Variants in CFAP99 observed in about 807,000 individuals in gnomAD.
The protein encoded by CFAP99 is cilia- and flagella-associated protein 99.
A neutral mutation model predicts 82.7 loss-of-function variants in CFAP99; 84 were observed. The observed-to-expected ratio is 1.02, with a 90% CI of 0.85 to 1.22. CFAP99 has a LOEUF of 1.22. CFAP99 is among the 50% of genes most tolerant of loss of function. The pLI, the probability that CFAP99 is intolerant of heterozygous loss-of-function variation, is 0.00. For synonymous variants in CFAP99, 456 were observed against 429.5 expected, an observed-to-expected ratio of 1.06 and a Z score of -0.76; for missense variants, 1,059 against 983.5, an observed-to-expected ratio of 1.08 and a Z score of -1.03.
chr4:2,421,994 A>G (rs1175981477), intron 1 of CFAP99, among the ~76,000 whole-genome samples: 1 of 152,154 alleles, frequency 6.6e-6, no homozygotes, highest in African/African-American at 2.4e-5. Context: ...GTGAGTTATC[A>G]TCGAGCCACT....
chr4:2,462,553 AGGC>A lies in CFAP99; in HGVS notation c.1776_1778del (p.Ala593del). On this transcript the variant is annotated inframe_deletion, in exon 15 of 15. Transcript: ENST00000635017. This position sits in a 1 kb window ranked among gnomAD's most constrained non-coding sequence, Gnocchi z 4.1. ...GAGAGGGCGGCCGAGCGCAGCAGGC[AGGC>A]GGCCTTGCTGCACGTGTCGGCGCCG... 3.4e-6 allele frequency: 5 copies of A among 1,463,946 alleles called. No homozygotes were observed. The highest frequency in any genetic ancestry group is 4.5e-6 in the Non-Finnish European group (5 of 1,114,564). 90.7% of individuals were successfully genotyped at this position (1,463,946 alleles called of 1,614,324 possible).
In CFAP99 at chr4:2,449,706, CA is replaced by C. The variant is rs1235181017; in HGVS notation, c.680del (p.Gln227ArgfsTer19). ...CACCTACCAGCCACCCAAGGAGCAG[CA>C]GCAGCTGGAGACAGTCAAGAGGTAC... On this transcript the variant is annotated frameshift_variant, in exon 7 of 15. Coordinates refer to ENST00000635017, the Ensembl canonical transcript of CFAP99. LOFTEE classifies it high-confidence loss of function. 1 of 1,536,164 alleles carries C rather than the reference CA, an allele frequency of 6.5e-7. No homozygotes were observed. Among genetic ancestry groups the C allele is most frequent in the Admixed American group, 2.0e-5 (1 of 50,998 alleles).
intron 4 of CFAP99, among the ~76,000 whole-genome samples, chr4:2,441,059 A>T (rs1347449014): frequency 6.7e-6 from 1 of 149,854 alleles, no homozygotes; most frequent in Non-Finnish European, 1.5e-5. Context: ...CCCCTTCCTA[A>T]ATGATAATAA....
chr4:2,461,853 G>A (rs1441137318), intron 14 of CFAP99, among the ~76,000 whole-genome samples: 1 of 152,102 alleles, frequency 6.6e-6, no homozygotes, highest in African/African-American at 2.4e-5. Context: ...GGAGATGCAG[G>A]CCACAGCACC....
intron 4 of CFAP99, among the ~76,000 whole-genome samples, chr4:2,439,875 G>T (rs1011155116): frequency 2.0e-5 from 3 of 151,278 alleles, no homozygotes; most frequent in African/African-American, 7.3e-5. Flanking sequence ...ACGGGGTCTC[G>T]CTCTGTCGCC....
intron 4 of CFAP99, among the ~76,000 whole-genome samples, chr4:2,442,712 G>A (rs945730907): frequency 3.3e-5 from 5 of 152,274 alleles, no homozygotes; most frequent in East Asian, 1.9e-4. Context: ...AGGATGTGCC[G>A]CCAGCTTCTC....
chr4:2,462,264 T>C lies in CFAP99; in HGVS notation c.1662-179T>C, dbSNP rs1734637859. The C allele has an allele frequency of 2.0e-6, 1 of 491,066 alleles. No homozygotes were observed. The highest frequency in any genetic ancestry group is 4.4e-5 in the Admixed American group (1 of 22,666). 30.4% of individuals were successfully genotyped at this position (491,066 alleles called of 1,614,324 possible). Reference sequence around the variant, plus strand: ...CCCAACCCCTCCAGCCCCTGAGCGGTGGTACTGTCTAGGAGCGCGCCGCGG... The same window carrying C: ...CCCAACCCCTCCAGCCCCTGAGCGGCGGTACTGTCTAGGAGCGCGCCGCGG... On this transcript the variant is annotated intron_variant, in intron 14 of 14. Transcript: ENST00000635017. This position sits in a 1 kb window ranked among gnomAD's most constrained non-coding sequence, Gnocchi z 4.1.
At position 2,450,501 on chromosome 4, in the gene CFAP99, G is replaced by C. The variant is rs542111947; in HGVS notation, c.796-446G>C. 27 of 285,238 alleles carry C rather than the reference G, an allele frequency of 9.5e-5. 1 individual carries two copies. Among genetic ancestry groups the C allele is most frequent in the South Asian group, 8.9e-4 (24 of 27,074 alleles). 17.7% of individuals were successfully genotyped at this position (285,238 alleles called of 1,614,324 possible). A position where few individuals can be genotyped will look rare whatever the true frequency, so the allele number is the denominator to read the frequency against. On this transcript the variant is annotated intron_variant, in intron 8 of 14. Transcript: ENST00000635017. ...GGCTGCAATGACCGAGTGCTCAGAG[G>C]GGTGGCCTTTGCAGCCACTCCCCTC...
intron 5 of CFAP99, 130 bp downstream of exon 5, chr4:2,443,372 C>A (rs529926859): frequency 3.7e-5 from 24 of 649,408 alleles, no homozygotes; most frequent in Middle Eastern, 2.5e-4. Context: ...GTAATCACTC[C>A]GTGTTCGGAT....
At chr4:2,460,138 G>A (rs147314650) in exon 14 of CFAP99, 5 of 1,536,126 alleles carry the variant, frequency 3.3e-6, no homozygotes, top group Non-Finnish European at 4.4e-6. Flanking sequence ...AAGAAAAGCG[G>A]GATCAAATCA....
chr4:2,432,158 T>G (rs1733813307), intron 2 of CFAP99, among the ~76,000 whole-genome samples: 1 of 152,194 alleles, frequency 6.6e-6, no homozygotes, highest in African/African-American at 2.4e-5. Context: ...ATCCTTAACA[T>G]GTACTGTTGC....
At position 2,462,191 on chromosome 4, in the gene CFAP99, A is replaced by G. The variant is rs1368402926; in HGVS notation, c.1662-252A>G. On this transcript the variant is annotated intron_variant, in intron 14 of 14. Transcript: ENST00000635017. This position sits in a 1 kb window ranked among gnomAD's most constrained non-coding sequence, Gnocchi z 4.1. ...AACAAACAACAACAACAAAAATTAA[A>G]GAAAAGAAAAAAAGAGCAAAAGGGT... is the stretch of plus-strand genomic sequence containing the variant. 1.9e-5 allele frequency: 7 copies of G among 371,248 alleles called. No individual in the cohort carries two copies. The East Asian group carries it at 2.5e-4, about 13-fold the overall frequency. 23.0% of individuals were successfully genotyped at this position (371,248 alleles called of 1,614,324 possible). A position where few individuals can be genotyped will look rare whatever the true frequency, so the allele number is the denominator to read the frequency against.
At chr4:2,442,845 AGCACACCCT>A (rs1207042839) in intron 4 of CFAP99, among the ~76,000 whole-genome samples, 1 of 151,746 alleles carries the variant, frequency 6.6e-6, no homozygotes, top group Admixed American at 6.6e-5. Flanking sequence ...CAGTCCCAGA[AGCACACCCT>A]GCGCGGTGGC....
At chr4:2,434,045 C>G (rs936488324) in intron 2 of CFAP99, among the ~76,000 whole-genome samples, 3 of 152,170 alleles carry the variant, frequency 2.0e-5, no homozygotes, top group Non-Finnish European at 4.4e-5. Context: ...TGGGGTCCCC[C>G]AGCCGAAGGG....
At chr4:2,449,673 C>A (rs1560386628) in exon 7 of CFAP99, 3 of 1,535,994 alleles carry the variant, frequency 2.0e-6, no homozygotes, top group Admixed American at 3.9e-5. Flanking sequence ...TCAGCAGGTC[C>A]CCCAGAGCAC....
chr4:2,426,583 G>A (rs1733689472), exon 2 of CFAP99: 1 of 1,534,258 alleles, frequency 6.5e-7, no homozygotes, highest in South Asian at 1.2e-5. Flanking sequence ...CCACCTCCCT[G>A]CAGGTAGGAT....
chr4:2,452,233 G>A (rs1734319914), exon 11 of CFAP99: 2 of 1,536,152 alleles, frequency 1.3e-6, no homozygotes, highest in Non-Finnish European at 1.7e-6. Context: ...GGAGCAGCTG[G>A]CTGCAAGCGA....
At position 2,436,137 on chromosome 4, in the gene CFAP99, T is replaced by A. The variant is rs573298018; in HGVS notation, c.112-737T>A. Among the ~76,000 whole-genome samples the A allele has an allele frequency of 2.0e-5, 3 of 151,514 alleles. No individual in the cohort carries two copies. The East Asian group carries it at 5.8e-4, about 29-fold the overall frequency. On this transcript the variant is annotated intron_variant, in intron 2 of 14. Transcript: ENST00000635017. ...TATAGATATATATAGATATATGAAATTTTCACTGCTAATTTAAAAATCCAG... is the reference window on the plus strand; with the variant it reads ...TATAGATATATATAGATATATGAAAATTTCACTGCTAATTTAAAAATCCAG...
intron 11 of CFAP99, among the ~76,000 whole-genome samples, chr4:2,454,998 C>A (rs1734394416): frequency 6.6e-6 from 1 of 152,242 alleles, no homozygotes; most frequent in Non-Finnish European, 1.5e-5. Flanking sequence ...TGGCTCACTG[C>A]AACCTCTGCC....
Sources: allele counts gnomAD v4.1 joint callset (sites outside exome capture counted in the v4.1 genomes callset), GRCh38; gene constraint gnomAD v4.1.1; non-coding constraint Gnocchi (gnomAD v3.1); transcripts MANE v1.5; gene names NCBI Gene and HGNC (gene_info 2026-07-23, HGNC 2026-07-21).